NPAS3: variants seen among roughly 807,000 people sequenced by gnomAD.
The protein encoded by NPAS3 is neuronal PAS domain protein 3, also known as neuronal PAS domain-containing protein 3.
Under a neutral mutation model 73.1 loss-of-function variants are expected in NPAS3, and 14 were observed. The observed-to-expected ratio is 0.19, with a 90% CI of 0.13 to 0.30. The LOEUF is 0.30. Ranked by LOEUF, NPAS3 falls within the 10% of genes least tolerant of loss-of-function variation. The pLI is 1.00. For synonymous variants in NPAS3, 620 were observed against 541.5 expected (o/e 1.14, Z -2.01); for missense variants, 1,096 against 1,250.0 (o/e 0.88, Z 1.86).
At chr14:33,078,800 G>C (rs1248439191) in intron 2 of NPAS3, among the ~76,000 whole-genome samples, 10 of 152,200 alleles carry the variant, frequency 6.6e-5, no homozygotes, top group Admixed American at 6.5e-4. Flanking sequence ...AATAGGGGTA[G>C]AGAGTTTCTT....
chr14:33,571,438 A>G (rs1595179019), intron 5 of NPAS3, among the ~76,000 whole-genome samples: 1 of 152,188 alleles, frequency 6.6e-6, no homozygotes, highest in South Asian at 2.1e-4. Context: ...TTAGTTGAGC[A>G]GATGCTACCC....
intron 4 of NPAS3, among the ~76,000 whole-genome samples, chr14:33,442,680 A>G (rs2049308943): frequency 6.6e-6 from 1 of 152,200 alleles, no homozygotes; most frequent in Non-Finnish European, 1.5e-5. Context: ...CCATTGTGCC[A>G]TGATTGTAAG....
chr14:33,291,775 G>T (rs1171837519), intron 3 of NPAS3, among the ~76,000 whole-genome samples: 2 of 152,168 alleles, frequency 1.3e-5, no homozygotes, highest in African/African-American at 2.4e-5. Context: ...TAAGGGAAAT[G>T]GGCTAAAAAC....
rs542601170 is a variant in NPAS3 at position 33,392,720 on chromosome 14, A to G, written c.468+25452A>G. Among the ~76,000 whole-genome samples the G allele has an allele frequency of 5.3e-5, 8 of 152,284 alleles. No homozygotes were observed. The South Asian group carries it at 8.3e-4, about 16-fold the overall frequency. ...ATGGTGTGGTGTTTGAGTAGTGTCT[A>G]TCAGAACAAATACAGATTTTACACA... On this transcript the variant is annotated intron_variant, in intron 4 of 11. Transcript: ENST00000356141.
intron 2 of NPAS3, among the ~76,000 whole-genome samples, chr14:33,171,179 C>T (rs564516104): frequency 8.5e-5 from 13 of 152,278 alleles, no homozygotes; most frequent in Admixed American, 3.3e-4. Context: ...GCATTGTCAA[C>T]GAGCAATAAT....
intron 6 of NPAS3, among the ~76,000 whole-genome samples, chr14:33,714,066 G>A (rs2060893849): frequency 6.6e-6 from 1 of 151,838 alleles, no homozygotes; most frequent in Non-Finnish European, 1.5e-5. Context: ...GGTCTTCTCT[G>A]GCCACGTTAT....
chr14:33,778,446 C>G lies in NPAS3; in HGVS notation c.1047-20C>G. 1.3e-6 allele frequency: 2 copies of G among 1,510,782 alleles called. No individual in the cohort carries two copies. The highest frequency in any genetic ancestry group is 1.8e-6 in the Non-Finnish European group (2 of 1,086,350). The allele number at this position is 1,510,782 out of a possible 1,614,324, so 93.6% of individuals were successfully genotyped here. A position where few individuals can be genotyped will look rare whatever the true frequency, so the allele number is the denominator to read the frequency against. ...TATTTCCTCCTTTCTGAATTCCAGC[C>G]TGTGTTCTTCTCTTTGTAGGATTAG... is the stretch of plus-strand genomic sequence containing the variant. On this transcript the variant is annotated intron_variant, in intron 8 of 11. Coordinates refer to ENST00000356141, the Ensembl canonical transcript of NPAS3.
At position 33,079,325 on chromosome 14, in the gene NPAS3, C is replaced by CCTTTTTTTTTTTTT. The variant is rs2041779621; in HGVS notation, c.140+23331_140+23332insCTTTTTTTTTTTTT. On this transcript the variant is annotated intron_variant, in intron 2 of 11. Transcript: ENST00000356141. The stretch of plus-strand genomic sequence containing the variant: ...ACTTGATTTGTACTTTTTCTTTTTC[C>CCTTTTTTTTTTTTT]TTTTTTTTTTTGAGACAGAGTCTTG... Among the ~76,000 whole-genome samples the CCTTTTTTTTTTTTT allele has an allele frequency of 9.1e-5, 12 of 132,312 alleles. No homozygotes were observed. In the South Asian group the frequency reaches 2.8e-3, roughly 31 times the overall value. 86.8% of individuals were successfully genotyped at this position (132,312 alleles called of 152,430 possible). A position where few individuals can be genotyped will look rare whatever the true frequency, so the allele number is the denominator to read the frequency against.
At chr14:33,496,306 C>T (rs1008128517) in intron 4 of NPAS3, among the ~76,000 whole-genome samples, 5 of 152,072 alleles carry the variant, frequency 3.3e-5, no homozygotes, top group Non-Finnish European at 5.9e-5. Context: ...TGAAACTATT[C>T]CAATCAATAG....
chr14:33,780,971 G>T (rs777758398), intron 9 of NPAS3: 1 of 191,016 alleles, frequency 5.2e-6, no homozygotes, highest in Non-Finnish European at 1.1e-5. Context: ...TCATACACAT[G>T]ACTTCTAATT....
chr14:33,396,960 A>G (rs1199359411), intron 4 of NPAS3, among the ~76,000 whole-genome samples: 1 of 152,178 alleles, frequency 6.6e-6, no homozygotes, highest in African/African-American at 2.4e-5. Flanking sequence ...TATATGCTTT[A>G]GACCTTCCCT....
At chr14:33,762,919 A>G (rs1385678865) in intron 7 of NPAS3, among the ~76,000 whole-genome samples, 3 of 152,220 alleles carry the variant, frequency 2.0e-5, no homozygotes, top group East Asian at 1.9e-4. Context: ...AATCATTTAT[A>G]TAGAGAGAAA....
At chr14:33,704,341 G>T (rs1229391587) in intron 6 of NPAS3, among the ~76,000 whole-genome samples, 2 of 152,072 alleles carry the variant, frequency 1.3e-5, no homozygotes. Flanking sequence ...AAAATTAATT[G>T]TTAAGTGAGA....
upstream of NPAS3, chr14:32,935,079 TTG>T: frequency 1.1e-6 from 1 of 884,648 alleles, no homozygotes; most frequent in Non-Finnish European, 1.5e-6. Context: ...GCCTCCTGTT[TTG>T]TGTCTTACAA....
At chr14:33,547,833 T>A (rs1376352242) in intron 4 of NPAS3, among the ~76,000 whole-genome samples, 1 of 152,328 alleles carries the variant, frequency 6.6e-6, no homozygotes, top group Middle Eastern at 3.4e-3. Flanking sequence ...CTAAGTTAGG[T>A]CTAAGCAACA....
chr14:33,346,007 A>T (rs8017386), intron 3 of NPAS3, among the ~76,000 whole-genome samples: 1 of 151,316 alleles, frequency 6.6e-6, no homozygotes, highest in Non-Finnish European at 1.5e-5. Flanking sequence ...TCGAGGCAGG[A>T]GGATCACAAG....
rs76514742 is a variant in NPAS3, at chr14:33,653,093, A to G, written c.559-23118A>G. Among the ~76,000 whole-genome samples, 486 of 152,282 alleles carry G rather than the reference A, an allele frequency of 3.2e-3. 3 individuals are homozygous for G. The highest frequency in any genetic ancestry group is 0.011 in the African/African-American group (473 of 41,560). ...TTTTTGACCTTCCATTTTGCCTTTAACACTGTTACTTGTGTGTACATGTCT... is the reference window on the plus strand; with the variant it reads ...TTTTTGACCTTCCATTTTGCCTTTAGCACTGTTACTTGTGTGTACATGTCT... On this transcript the variant is annotated intron_variant, in intron 5 of 11. Coordinates refer to ENST00000356141, the Ensembl canonical transcript of NPAS3.
intron 3 of NPAS3, among the ~76,000 whole-genome samples, chr14:33,330,957 G>A (rs1027781248): frequency 6.6e-6 from 1 of 152,186 alleles, no homozygotes; most frequent in South Asian, 2.1e-4. Flanking sequence ...TATTTTAAAG[G>A]TTGAGGTGGA....
chr14:33,453,573 A>G (rs559518967), intron 4 of NPAS3, among the ~76,000 whole-genome samples: 1 of 152,346 alleles, frequency 6.6e-6, no homozygotes, highest in South Asian at 2.1e-4. Flanking sequence ...TTAGACAGAC[A>G]GCGTATTCTG....
Sources: allele counts gnomAD v4.1 joint callset (sites outside exome capture counted in the v4.1 genomes callset), GRCh38; gene constraint gnomAD v4.1.1; transcripts MANE v1.5; gene names NCBI Gene and HGNC (gene_info 2026-07-23, HGNC 2026-07-21).